SLC8A1: variants seen among roughly 807,000 people sequenced by gnomAD.
SLC8A1 encodes the protein sodium/calcium exchanger 1.
Under a neutral mutation model 68.3 loss-of-function variants are expected in SLC8A1, and 18 were observed. The ratio of observed to expected loss-of-function variants is 0.26; its 90% CI spans 0.18 to 0.39. SLC8A1 has a LOEUF of 0.39. SLC8A1 is among the 10% of genes least tolerant of loss of function. The probability of loss-of-function intolerance (pLI) is 1.00; values close to 1 mark genes in which losing one functional copy is unlikely to be tolerated. For missense variants in SLC8A1, 985 were observed against 1,156.7 expected (o/e 0.85, Z 2.15); for synonymous variants, 475 against 415.5 (o/e 1.14, Z -1.74).
chr2:40,451,375 C>T (rs554433497), intron 1 of SLC8A1, among the ~76,000 whole-genome samples: 1 of 152,296 alleles, frequency 6.6e-6, no homozygotes, highest in South Asian at 2.1e-4. Context: ...CTCCTCTCCG[C>T]AGTCCGTGGT....
intron 2 of SLC8A1, among the ~76,000 whole-genome samples, chr2:40,253,270 T>C (rs1052638520): frequency 3.3e-5 from 5 of 150,554 alleles, no homozygotes; most frequent in East Asian, 2.0e-4. Context: ...TATATACATG[T>C]ACATATGACG....
intron 1 of SLC8A1, among the ~76,000 whole-genome samples, chr2:40,448,178 A>G (rs763022752): frequency 2.2e-4 from 33 of 152,182 alleles, no homozygotes; most frequent in Non-Finnish European, 3.1e-4. Flanking sequence ...GAACCTAGTC[A>G]TTGATTAGGT....
At position 40,267,707 on chromosome 2, in the gene SLC8A1, G is replaced by T. The variant is rs114292601; in HGVS notation, c.1809-89852C>A. ...CAGAGTATGACAGGTTGAGTGTTGT[G>T]CTACGTGTTTCACTAACCGTATTTT... On this transcript the variant is annotated intron_variant, in intron 2 of 7. Coordinates refer to ENST00000406785, the Ensembl canonical transcript of SLC8A1. Among the ~76,000 whole-genome samples the T allele has an allele frequency of 6.5e-3, 997 of 152,284 alleles. 10 individuals are homozygous for T. Among genetic ancestry groups the T allele is most frequent in the African/African-American group, 0.023 (955 of 41,536 alleles).
At chr2:40,255,883 G>A (rs1422192558) in intron 2 of SLC8A1, among the ~76,000 whole-genome samples, 1 of 152,130 alleles carries the variant, frequency 6.6e-6, no homozygotes. Flanking sequence ...CTAAAAAGAT[G>A]GAAGGAAAGA....
chr2:40,404,547 G>A (rs992923234), intron 2 of SLC8A1, among the ~76,000 whole-genome samples: 5 of 152,142 alleles, frequency 3.3e-5, no homozygotes, highest in Admixed American at 3.3e-4. Context: ...AGAAATCCAA[G>A]AAATATTTAA....
chr2:40,255,925 A>C (rs2063840120), intron 2 of SLC8A1, among the ~76,000 whole-genome samples: 2 of 150,028 alleles, frequency 1.3e-5, no homozygotes, highest in Admixed American at 1.3e-4. Context: ...ACCATCCTTG[A>C]GTCCACATGT....
chr2:40,277,489 G>A (rs2066876322), intron 2 of SLC8A1, among the ~76,000 whole-genome samples: 1 of 152,008 alleles, frequency 6.6e-6, no homozygotes, highest in African/African-American at 2.4e-5. Context: ...GCAGTGAGCT[G>A]AGATACGACC....
At chr2:40,108,301 G>T (rs1047607740) in exon 8 of SLC8A1, 25 of 152,014 alleles carry the variant, frequency 1.6e-4, no homozygotes, top group Admixed American at 1.6e-3. Context: ...GCTTTTCTTT[G>T]GTTGCCAAAG....
chr2:40,246,588 G>T (rs912946711), intron 2 of SLC8A1, among the ~76,000 whole-genome samples: 2 of 152,182 alleles, frequency 1.3e-5, no homozygotes, highest in African/African-American at 2.4e-5. Context: ...TGCACATCTT[G>T]CCTTCAAGGT....
At chr2:40,402,430 T>A (rs1487762263) in intron 2 of SLC8A1, among the ~76,000 whole-genome samples, 21 of 152,216 alleles carry the variant, frequency 1.4e-4, no homozygotes, top group Admixed American at 1.4e-3. Context: ...GCTGCTGCTC[T>A]GAGTAGAGAG....
chr2:40,102,961 C>CTATTTT, exon 8 of SLC8A1: 2 of 152,258 alleles, frequency 1.3e-5, no homozygotes, highest in Non-Finnish European at 2.9e-5. Context: ...GGAATTATAA[C>CTATTTT]AGAAATATTA....
intron 2 of SLC8A1, among the ~76,000 whole-genome samples, chr2:40,184,892 CAAAAACAAAAAAAAA>C (rs2050371259): frequency 1.9e-5 from 1 of 52,160 alleles, no homozygotes. Flanking sequence ...ACAAACTAAC[CAAAAACAAAAAAAAA>C]AAAAAAAAAA....
chr2:40,457,675 A>G (rs1703102315), intron 1 of SLC8A1, among the ~76,000 whole-genome samples: 1 of 152,252 alleles, frequency 6.6e-6, no homozygotes, highest in East Asian at 1.9e-4. Flanking sequence ...AACAAGTAAT[A>G]CTTAGAAACT....
chr2:40,159,660 C>G (rs907334516), intron 6 of SLC8A1, among the ~76,000 whole-genome samples: 5 of 152,176 alleles, frequency 3.3e-5, no homozygotes, highest in Non-Finnish European at 5.9e-5. Flanking sequence ...ACCCCTCCTT[C>G]TATTAGAGCT....
rs200231141 is a variant in SLC8A1, at chr2:40,297,033, AT to A, written c.1809-119179del. On this transcript the variant is annotated intron_variant, in intron 2 of 7. Coordinates refer to ENST00000406785, the Ensembl canonical transcript of SLC8A1. ...CATCTGGGTCATGTGACTATAATTAATTTTTTTTTTCTTACATGTCTTGGTG... is the reference window on the plus strand; with the variant it reads ...CATCTGGGTCATGTGACTATAATTAATTTTTTTTTCTTACATGTCTTGGTG... 5.3e-5 allele frequency among the ~76,000 whole-genome samples: 8 copies of A among 150,364 alleles called. 1 individual carries two copies. The highest frequency in any genetic ancestry group is 3.9e-4 in the East Asian group (2 of 5,154).
intron 2 of SLC8A1, among the ~76,000 whole-genome samples, chr2:40,341,285 G>A (rs1667613576): frequency 6.6e-6 from 1 of 152,126 alleles, no homozygotes; most frequent in South Asian, 2.1e-4. Flanking sequence ...TCAAATATAT[G>A]TCTCAAATTT....
intron 2 of SLC8A1, among the ~76,000 whole-genome samples, chr2:40,413,118 A>C (rs1692700840): frequency 6.6e-6 from 1 of 152,150 alleles, no homozygotes; most frequent in Non-Finnish European, 1.5e-5. Context: ...GCTGGAGAGG[A>C]TGTGGAGAAA....
chr2:40,429,623 T>G (rs748943568), exon 2 of SLC8A1: 2 of 1,613,748 alleles, frequency 1.2e-6, no homozygotes, highest in Admixed American at 1.7e-5. Context: ...GACAAAATAA[T>G]GTAAAGCCAG....
chr2:40,370,877 G>A (rs1279213864), intron 2 of SLC8A1, among the ~76,000 whole-genome samples: 1 of 152,032 alleles, frequency 6.6e-6, no homozygotes, highest in Admixed American at 6.6e-5. Context: ...GAGACACTGA[G>A]AAAGTAAACC....
Sources: allele counts gnomAD v4.1 joint callset (sites outside exome capture counted in the v4.1 genomes callset), GRCh38; gene constraint gnomAD v4.1.1; transcripts MANE v1.5; gene names NCBI Gene and HGNC (gene_info 2026-07-23, HGNC 2026-07-21).